The following ARHGAP5 variants were observed in gnomAD, a reference collection of about 807,000 sequenced individuals.
ARHGAP5 encodes rho GTPase-activating protein 5.
ARHGAP5 carries 23 observed loss-of-function variants against 116.6 expected under a neutral mutation model. The observed-to-expected ratio is 0.20, with a 90% CI of 0.14 to 0.28. ARHGAP5 has a LOEUF of 0.28. Among genes scored for constraint, ARHGAP5 ranks in the 10% least tolerant of loss-of-function variants. ARHGAP5 has a pLI of 1.00. For missense variants in ARHGAP5, 1,405 were observed against 1,774.8 expected, an observed-to-expected ratio of 0.79 and a Z score of 3.74; for synonymous variants, 574 against 602.0, an observed-to-expected ratio of 0.95 and a Z score of 0.68.
intron 3 of ARHGAP5, among the ~76,000 whole-genome samples, chr14:32,139,779 A>C (rs952830625): frequency 2.7e-5 from 4 of 150,486 alleles, no homozygotes; most frequent in African/African-American, 9.7e-5. Flanking sequence ...TAGTTCCTTA[A>C]AGTTGGAATC....
intron 2 of ARHGAP5, among the ~76,000 whole-genome samples, chr14:32,115,437 G>A (rs1879505944): frequency 1.3e-5 from 2 of 152,076 alleles, no homozygotes; most frequent in South Asian, 4.1e-4. Context: ...GCCAAGGCGG[G>A]AGGATCACGA....
At position 32,093,297 on chromosome 14, in the gene ARHGAP5, C is replaced by T. The variant is rs780375788; in HGVS notation, c.2628C>T (p.Thr876=). The T allele has an allele frequency of 1.2e-6, 2 of 1,613,628 alleles. No homozygotes were observed. The highest frequency in any genetic ancestry group is 1.7e-5 in the Admixed American group (1 of 59,972). Residue 876 remains threonine, a synonymous_variant, in exon 2 of 7, where the codon ACC becomes ACT. Coordinates refer to ENST00000345122, the MANE Select transcript of ARHGAP5 (RefSeq NM_001030055.2). ...CATTTCTATCAGAAGTTCAAGACAC[C>T]ATTCCTGTACAGCTGGTGGCAGTTA... ...LRAFLSEVQD[T]IPVQLVAVTD... is the part of the protein sequence containing the mutation.
intron 3 of ARHGAP5, among the ~76,000 whole-genome samples, chr14:32,140,116 T>TTTTTTTTTTTTTTTTTTTTTTC (rs1881047521): frequency 1.2e-5 from 1 of 84,950 alleles, no homozygotes; most frequent in Non-Finnish European, 2.3e-5. Context: ...TTTTTTTTCC[T>TTTTTTTTTTTTTTTTTTTTTTC]TTTTTTTTTT....
chr14:32,138,966 C>G (rs995769607), intron 3 of ARHGAP5, among the ~76,000 whole-genome samples: 2 of 151,708 alleles, frequency 1.3e-5, no homozygotes, highest in Non-Finnish European at 2.9e-5. Flanking sequence ...TCATATGGTT[C>G]CCCCCACCCC....
chr14:32,150,815 G>A (rs1366145001), intron 5 of ARHGAP5, among the ~76,000 whole-genome samples: 1 of 152,116 alleles, frequency 6.6e-6, no homozygotes, highest in Non-Finnish European at 1.5e-5. Context: ...GAAAGAACAT[G>A]ATATTTATTT....
intron 2 of ARHGAP5, among the ~76,000 whole-genome samples, chr14:32,102,792 G>A (rs1878849435): frequency 2.0e-5 from 3 of 152,272 alleles, no homozygotes; most frequent in Admixed American, 2.0e-4. Context: ...CTGTTCATGT[G>A]TTTAACTACA....
intron 3 of ARHGAP5, among the ~76,000 whole-genome samples, chr14:32,139,850 C>A (rs1179318938): frequency 6.7e-6 from 1 of 150,148 alleles, no homozygotes; most frequent in Non-Finnish European, 1.5e-5. Context: ...GGCTGCATCC[C>A]ATAGGTTTTT....
At chr14:32,098,249 A>C (rs757131137) in intron 2 of ARHGAP5, among the ~76,000 whole-genome samples, 170 of 152,322 alleles carry the variant, frequency 1.1e-3, no homozygotes, top group Middle Eastern at 3.4e-3. Context: ...ACTGGCACAC[A>C]GATAGGCATA....
At chr14:32,124,769 C>G (rs1806554299) in intron 3 of ARHGAP5, among the ~76,000 whole-genome samples, 1 of 152,132 alleles carries the variant, frequency 6.6e-6, no homozygotes, top group Admixed American at 6.5e-5. Flanking sequence ...CTATGGATCT[C>G]TGGAAAGTGG....
intron 2 of ARHGAP5, among the ~76,000 whole-genome samples, chr14:32,101,960 G>A (rs746620090): frequency 1.3e-5 from 2 of 152,098 alleles, no homozygotes; most frequent in Admixed American, 6.5e-5. Flanking sequence ...TCCAGCCTGG[G>A]CGACAGAGCG....
chr14:32,085,427 AT>A (rs1326300206), intron 1 of ARHGAP5, among the ~76,000 whole-genome samples: 2 of 152,206 alleles, frequency 1.3e-5, no homozygotes, highest in Non-Finnish European at 2.9e-5. Flanking sequence ...TCCAGCCTAG[AT>A]GACAGATTAG....
intron 1 of ARHGAP5, among the ~76,000 whole-genome samples, chr14:32,084,480 A>C (rs1330384979): frequency 1.3e-5 from 2 of 152,206 alleles, no homozygotes; most frequent in Non-Finnish European, 2.9e-5. Context: ...GTGTGACTTC[A>C]GGATTACCCA....
intron 3 of ARHGAP5, among the ~76,000 whole-genome samples, chr14:32,143,579 T>C (rs1407417018): frequency 1.3e-5 from 2 of 152,222 alleles, no homozygotes; most frequent in Non-Finnish European, 2.9e-5. Flanking sequence ...TAAAATTTTA[T>C]ATTTAGCTTG....
At chr14:32,137,637 A>G (rs1397737529) in intron 3 of ARHGAP5, among the ~76,000 whole-genome samples, 3 of 152,020 alleles carry the variant, frequency 2.0e-5, no homozygotes, top group Non-Finnish European at 4.4e-5. Flanking sequence ...ATTGCATTGA[A>G]TCTGTAGATC....
chr14:32,146,446 A>G (rs936176515), intron 4 of ARHGAP5, 106 bp downstream of exon 4: 2 of 778,980 alleles, frequency 2.6e-6, no homozygotes, highest in East Asian at 5.4e-5. Context: ...AAGGATATGG[A>G]TGTTGAGGAG....
At chr14:32,131,701 A>G (rs1880506010) in intron 3 of ARHGAP5, among the ~76,000 whole-genome samples, 1 of 152,202 alleles carries the variant, frequency 6.6e-6, no homozygotes, top group Non-Finnish European at 1.5e-5. Flanking sequence ...GTCATTTAGC[A>G]TCAGGTATAT....
Position 32,077,330 on chromosome 14 carries a change from A to T in ARHGAP5, c.-274A>T, listed in dbSNP as rs1359961396. 1.7e-6 allele frequency: 1 copy of T among 596,308 alleles called. No individual in the cohort carries two copies. The highest frequency in any genetic ancestry group is 3.1e-6 in the Non-Finnish European group (1 of 321,454). The allele number at this position is 596,308 out of a possible 1,614,324, so 36.9% of individuals were successfully genotyped here. A position where few individuals can be genotyped will look rare whatever the true frequency, so the allele number is the denominator to read the frequency against. ...AGGAAGAGAGGCGAGCGGAGAGTGG[A>T]GGAGGAGGCGGCGGCGGCGGGAGCG... is the stretch of plus-strand genomic sequence containing the variant. On this transcript the variant is annotated 5_prime_UTR_variant, in exon 1 of 7. Transcript: ENST00000345122.
At position 32,155,281 on chromosome 14, in the gene ARHGAP5, AT is replaced by A. The variant is rs1881844303; in HGVS notation, c.*334del. 1 of 177,872 alleles carries A rather than the reference AT, an allele frequency of 5.6e-6. No homozygotes were observed. Among genetic ancestry groups the A allele is most frequent in the South Asian group, 1.6e-4 (1 of 6,128 alleles). The allele number at this position is 177,872 out of a possible 1,614,324, so 11.0% of individuals were successfully genotyped here. A position where few individuals can be genotyped will look rare whatever the true frequency, so the allele number is the denominator to read the frequency against. On this transcript the variant is annotated 3_prime_UTR_variant, in exon 7 of 7. Transcript: ENST00000345122. ...AATAAAATTTTTCTATAGAAATTAA[AT>A]GATTTAAAAACTCACCTATATGAAA...
intron 2 of ARHGAP5, among the ~76,000 whole-genome samples, chr14:32,112,428 G>A (rs1008560480): frequency 6.6e-6 from 1 of 152,108 alleles, no homozygotes; most frequent in Non-Finnish European, 1.5e-5. Flanking sequence ...TAATATGTTG[G>A]ACACTTAAAG....
Sources: allele counts gnomAD v4.1 joint callset (sites outside exome capture counted in the v4.1 genomes callset), GRCh38; gene constraint gnomAD v4.1.1; transcripts MANE v1.5; gene names NCBI Gene and HGNC (gene_info 2026-07-23, HGNC 2026-07-21).